Variants in UNC13C observed in about 807,000 individuals in gnomAD.
UNC13C encodes unc-13 homolog C.
A neutral mutation model predicts 245.4 loss-of-function variants in UNC13C; 174 were observed. That is an observed-to-expected ratio of 0.71 (90% confidence interval 0.63 to 0.80). The LOEUF (loss-of-function observed/expected upper bound fraction) is 0.80. UNC13C is among the 30% of genes least tolerant of loss of function. The pLI is 0.00. For missense variants in UNC13C, 2,829 were observed against 2,602.9 expected (o/e 1.09, Z -1.89); for synonymous variants, 992 against 895.1 (o/e 1.11, Z -1.93).
intron 30 of UNC13C, among the ~76,000 whole-genome samples, chr15:54,618,676 G>A (rs1361263866): frequency 1.3e-5 from 2 of 152,086 alleles, no homozygotes; most frequent in Non-Finnish European, 2.9e-5. Flanking sequence ...TCTTCCGAAT[G>A]TGAGGTAAAA....
the UNC13C span, among the ~76,000 whole-genome samples, chr15:53,844,177 T>A: frequency 2.0e-5 from 3 of 152,162 alleles, no homozygotes; most frequent in Admixed American, 6.6e-5. Context: ...AAAGTGTGTG[T>A]CACTGTAGAT....
chr15:54,570,118 C>T (rs753762147), intron 30 of UNC13C, among the ~76,000 whole-genome samples: 9 of 152,168 alleles, frequency 5.9e-5, no homozygotes, highest in South Asian at 2.1e-4. Context: ...TGCATCCAAA[C>T]GCTGGTCTCT....
chr15:54,153,453 A>C (rs1416341637), intron 4 of UNC13C, among the ~76,000 whole-genome samples: 1 of 152,110 alleles, frequency 6.6e-6, no homozygotes, highest in African/African-American at 2.4e-5. Flanking sequence ...CATATTTTAC[A>C]GATGAGATAA....
At chr15:53,850,502 G>T in the UNC13C span, among the ~76,000 whole-genome samples, 2 of 152,082 alleles carry the variant, frequency 1.3e-5, no homozygotes, top group Admixed American at 1.3e-4. Context: ...TTCTTTAAAA[G>T]GTTGTCATTT....
At chr15:54,220,455 G>T (rs1236587329) in intron 4 of UNC13C, among the ~76,000 whole-genome samples, 1 of 138,766 alleles carries the variant, frequency 7.2e-6, no homozygotes, top group East Asian at 2.1e-4. Flanking sequence ...GTGGGGTAGG[G>T]GGAGGGGGGA....
At chr15:53,958,690 C>T in the UNC13C span, among the ~76,000 whole-genome samples, 7 of 152,194 alleles carry the variant, frequency 4.6e-5, no homozygotes, top group East Asian at 1.9e-4. Context: ...ATATAGTAGT[C>T]GTACGTATTT....
At chr15:54,459,710 A>G (rs1380239641) in intron 19 of UNC13C, among the ~76,000 whole-genome samples, 1 of 151,334 alleles carries the variant, frequency 6.6e-6, no homozygotes, top group Non-Finnish European at 1.5e-5. Flanking sequence ...TGTATTTTGC[A>G]TTTCCCTAAG....
chr15:54,034,846 A>G (rs148984101), intron 2 of UNC13C, among the ~76,000 whole-genome samples: 79 of 152,304 alleles, frequency 5.2e-4, no homozygotes, highest in African/African-American at 1.9e-3. Flanking sequence ...ATCTATCACA[A>G]AAGATTTTAA....
At chr15:54,463,344 C>T (rs1171396495) in intron 19 of UNC13C, among the ~76,000 whole-genome samples, 1 of 144,486 alleles carries the variant, frequency 6.9e-6, no homozygotes, top group South Asian at 2.3e-4. Flanking sequence ...CACTGGGGTC[C>T]CCTTCCACAC....
At chr15:54,247,956 T>G (rs950994999) in intron 7 of UNC13C, among the ~76,000 whole-genome samples, 1 of 152,172 alleles carries the variant, frequency 6.6e-6, no homozygotes, top group Non-Finnish European at 1.5e-5. Context: ...CCTACTATAA[T>G]CTATGGACTT....
intron 22 of UNC13C, 118 bp from the exon 23 acceptor site, chr15:54,506,999 A>T (rs1209155698): frequency 3.3e-6 from 2 of 612,250 alleles, no homozygotes; most frequent in Admixed American, 3.3e-5. Context: ...TAGAGGGAGA[A>T]AAAAATGTAG....
At chr15:54,357,811 A>C (rs1167082888) in intron 17 of UNC13C, among the ~76,000 whole-genome samples, 1 of 152,004 alleles carries the variant, frequency 6.6e-6, no homozygotes, top group East Asian at 1.9e-4. Context: ...GACTTACAAA[A>C]CACATTTTTC....
intron 30 of UNC13C, among the ~76,000 whole-genome samples, chr15:54,618,762 G>C (rs1461266223): frequency 6.6e-6 from 1 of 152,106 alleles, no homozygotes; most frequent in East Asian, 1.9e-4. Flanking sequence ...AGTACCAAAA[G>C]CATTAAATGA....
intron 2 of UNC13C, among the ~76,000 whole-genome samples, chr15:54,040,165 C>A (rs557286508): frequency 2.0e-4 from 31 of 152,228 alleles, no homozygotes; most frequent in African/African-American, 6.5e-4. Context: ...AGGCTCATTC[C>A]TATGGGTAGG....
chr15:54,575,292 C>G (rs1235828134), intron 30 of UNC13C, among the ~76,000 whole-genome samples: 1 of 152,044 alleles, frequency 6.6e-6, no homozygotes, highest in Non-Finnish European at 1.5e-5. Flanking sequence ...CACCTTGTAT[C>G]CAGAATATAG....
intron 30 of UNC13C, among the ~76,000 whole-genome samples, chr15:54,613,779 C>G (rs1203576516): frequency 2.6e-5 from 4 of 151,788 alleles, no homozygotes; most frequent in Admixed American, 2.6e-4. Flanking sequence ...ATAATATTCT[C>G]AACTTTTCTA....
At chr15:54,183,458 A>T (rs1177905319) in intron 4 of UNC13C, among the ~76,000 whole-genome samples, 2 of 151,752 alleles carry the variant, frequency 1.3e-5, no homozygotes, top group Non-Finnish European at 2.9e-5. Context: ...TTATTTTTCA[A>T]AAACTTTCAT....
chr15:54,318,054 T>C (rs1476694001), intron 13 of UNC13C, among the ~76,000 whole-genome samples: 1 of 151,990 alleles, frequency 6.6e-6, no homozygotes, highest in African/African-American at 2.4e-5. Flanking sequence ...TTGTTGCAAA[T>C]GGCAGGATTT....
chr15:54,221,204 T>G (rs1596030378), intron 4 of UNC13C, among the ~76,000 whole-genome samples: 1 of 152,158 alleles, frequency 6.6e-6, no homozygotes, highest in East Asian at 1.9e-4. Flanking sequence ...AAATTCTAAT[T>G]GCTAAGAAGG....
Sources: gnomAD v4.1 joint callset for allele counts (sites outside exome capture counted in the v4.1 genomes callset) on GRCh38, gnomAD v4.1.1 for gene constraint, MANE v1.5 for transcripts, NCBI Gene and HGNC (gene_info 2026-07-23, HGNC 2026-07-21) for gene names.